Variants in BMPR1B observed in about 807,000 individuals in gnomAD.
BMPR1B encodes the protein bone morphogenetic protein receptor type 1B.
Under a neutral mutation model 59.1 loss-of-function variants are expected in BMPR1B, and 12 were observed. The observed-to-expected ratio is 0.20, with a 90% CI of 0.13 to 0.33. The LOEUF (loss-of-function observed/expected upper bound fraction) is 0.33, where lower values mean the gene tolerates loss of function less well. BMPR1B is among the 10% of genes least tolerant of loss of function. The pLI, the probability that BMPR1B is intolerant of heterozygous loss-of-function variation, is 1.00. For missense variants in BMPR1B, 550 were observed against 610.9 expected, an observed-to-expected ratio of 0.90 and a Z score of 1.05; for synonymous variants, 237 against 207.3, an observed-to-expected ratio of 1.14 and a Z score of -1.23.
At chr4:95,137,484 G>T (rs1056494172) in intron 10 of BMPR1B, among the ~76,000 whole-genome samples, 5 of 151,990 alleles carry the variant, frequency 3.3e-5, no homozygotes, top group Non-Finnish European at 7.4e-5. Flanking sequence ...CTGTCTCGTT[G>T]ATCTGTCTAA....
chr4:95,096,499 TATA>T (rs1383829489), intron 3 of BMPR1B, among the ~76,000 whole-genome samples: 11 of 151,102 alleles, frequency 7.3e-5, no homozygotes, highest in Non-Finnish European at 1.5e-4. Flanking sequence ...TATTATTCCT[TATA>T]AGAATCATAA....
intron 3 of BMPR1B, among the ~76,000 whole-genome samples, chr4:95,072,555 A>G (rs1252770933): frequency 6.6e-6 from 1 of 152,186 alleles, no homozygotes. Flanking sequence ...TAATAAAATG[A>G]GGAAAACTAC....
chr4:94,908,061 TAAAAAAA>T (rs571793477), intron 2 of BMPR1B, among the ~76,000 whole-genome samples: 767 of 46,228 alleles, frequency 0.017, 6 homozygotes, highest in South Asian at 0.046. Flanking sequence ...ACCCTGTCTT[TAAAAAAA>T]AAAAAAAAAA....
intron 2 of BMPR1B, among the ~76,000 whole-genome samples, chr4:94,974,453 C>A (rs1180370431): frequency 6.6e-6 from 1 of 152,046 alleles, no homozygotes; most frequent in Non-Finnish European, 1.5e-5. Context: ...CTCATGTATC[C>A]CTCATTGCCT....
chr4:94,809,832 C>A (rs1723745522), intron 1 of BMPR1B, among the ~76,000 whole-genome samples: 1 of 152,154 alleles, frequency 6.6e-6, no homozygotes. Context: ...TGCCAGTATC[C>A]CAAGTTTTGA....
chr4:94,885,606 G>A (rs1316289594), intron 2 of BMPR1B, among the ~76,000 whole-genome samples: 2 of 152,046 alleles, frequency 1.3e-5, no homozygotes, highest in African/African-American at 2.4e-5. Flanking sequence ...TGACCACTTT[G>A]TGGTTTTTGA....
chr4:95,084,728 T>A (rs1729437491), intron 3 of BMPR1B, among the ~76,000 whole-genome samples: 1 of 152,220 alleles, frequency 6.6e-6, no homozygotes, highest in African/African-American at 2.4e-5. Context: ...TTGCACTAAA[T>A]TCCTAATCTA....
chr4:95,139,417 G>A (rs1734049508), intron 10 of BMPR1B, among the ~76,000 whole-genome samples: 1 of 152,162 alleles, frequency 6.6e-6, no homozygotes, highest in Admixed American at 6.5e-5. Context: ...CTCCATGCTG[G>A]GAGAACCACT....
chr4:94,844,104 AT>A (rs1725216423), intron 1 of BMPR1B, among the ~76,000 whole-genome samples: 1 of 152,242 alleles, frequency 6.6e-6, no homozygotes, highest in South Asian at 2.1e-4. Flanking sequence ...CATGGGGACC[AT>A]AGCTGATAAT....
chr4:95,056,237 A>G (rs536065107), intron 3 of BMPR1B, among the ~76,000 whole-genome samples: 2 of 152,190 alleles, frequency 1.3e-5, no homozygotes, highest in East Asian at 1.9e-4. Flanking sequence ...ATATTAATAT[A>G]TATTTGTTGG....
At chr4:95,079,901 G>A (rs998271673) in intron 3 of BMPR1B, among the ~76,000 whole-genome samples, 1 of 152,080 alleles carries the variant, frequency 6.6e-6, no homozygotes, top group African/African-American at 2.4e-5. Flanking sequence ...ACTTTTCTGA[G>A]AATGTGAACT....
At chr4:94,822,872 G>A (rs1306844028) in intron 1 of BMPR1B, among the ~76,000 whole-genome samples, 1 of 152,104 alleles carries the variant, frequency 6.6e-6, no homozygotes, top group Non-Finnish European at 1.5e-5. Flanking sequence ...GGGTAATAGT[G>A]TTTTTCCACA....
Position 95,084,304 on chromosome 4 carries a change from AATTTAT to A in BMPR1B, c.-17-20096_-17-20091del, listed in dbSNP as rs557345526. Among the ~76,000 whole-genome samples, 486 of 151,424 alleles carry A rather than the reference AATTTAT, an allele frequency of 3.2e-3. 1 individual carries two copies. The highest frequency in any genetic ancestry group is 0.011 in the African/African-American group (450 of 41,360). On this transcript the variant is annotated intron_variant, in intron 3 of 12. Transcript: ENST00000515059. ...TACATGATCTATACATATCTTTATA[AATTTAT>A]ATTTATACGTGTGTGTGTATGTATA...
chr4:94,927,934 AT>A (rs892706362), intron 2 of BMPR1B, among the ~76,000 whole-genome samples: 27 of 152,194 alleles, frequency 1.8e-4, no homozygotes, highest in African/African-American at 6.5e-4. Context: ...TTGGCAGCTA[AT>A]TGGATATGGA....
intron 3 of BMPR1B, among the ~76,000 whole-genome samples, chr4:95,071,650 G>GTATATATATATATATA (rs1459082558): frequency 0.019 from 1,493 of 77,972 alleles, 16 homozygotes; most frequent in Non-Finnish European, 0.026. Flanking sequence ...GTGTGTGTGT[G>GTATATATATATATATA]TGTATATATA....
intron 2 of BMPR1B, among the ~76,000 whole-genome samples, chr4:94,981,083 CA>C (rs1367716522): frequency 6.6e-6 from 1 of 151,968 alleles, no homozygotes; most frequent in African/African-American, 2.4e-5. Flanking sequence ...ATAGATTGTG[CA>C]GAAAATTTGT....
intron 2 of BMPR1B, among the ~76,000 whole-genome samples, chr4:94,973,461 C>T (rs1307358105): frequency 8.5e-5 from 13 of 152,180 alleles, no homozygotes; most frequent in African/African-American, 2.9e-4. Flanking sequence ...CCCATGAAGT[C>T]TGACCATCTC....
intron 3 of BMPR1B, among the ~76,000 whole-genome samples, chr4:95,077,482 T>C (rs1484974332): frequency 2.0e-5 from 3 of 152,096 alleles, no homozygotes; most frequent in African/African-American, 7.2e-5. Context: ...GATTATTTCA[T>C]GAATTATTAT....
At chr4:94,923,780 C>G (rs936290379) in intron 2 of BMPR1B, among the ~76,000 whole-genome samples, 1 of 152,026 alleles carries the variant, frequency 6.6e-6, no homozygotes, top group East Asian at 1.9e-4. Flanking sequence ...TTGCCCCTAC[C>G]TCTAGGCACA....
Sources: gnomAD v4.1 joint callset for allele counts (sites outside exome capture counted in the v4.1 genomes callset) on GRCh38, gnomAD v4.1.1 for gene constraint, MANE v1.5 for transcripts, NCBI Gene and HGNC (gene_info 2026-07-23, HGNC 2026-07-21) for gene names.